AQR: variants seen among roughly 807,000 people sequenced by gnomAD.
The protein encoded by AQR is aquarius intron-binding spliceosomal factor, also known as RNA helicase aquarius.
A neutral mutation model predicts 180.5 loss-of-function variants in AQR; 61 were observed. The ratio of observed to expected loss-of-function variants is 0.34; its 90% CI spans 0.28 to 0.42. The LOEUF (loss-of-function observed/expected upper bound fraction) is 0.42. AQR is among the 10% of genes least tolerant of loss of function. The probability of loss-of-function intolerance (pLI) is 1.00; values close to 1 mark genes in which losing one functional copy is unlikely to be tolerated. For missense variants in AQR, 1,281 were observed against 1,798.3 expected (o/e 0.71, Z 5.20); for synonymous variants, 551 against 588.8 (o/e 0.94, Z 0.93).
chr15:34,940,658 G>A (rs1894009771), intron 8 of AQR, among the ~76,000 whole-genome samples: 1 of 152,144 alleles, frequency 6.6e-6, no homozygotes, highest in African/African-American at 2.4e-5. Context: ...GAAAAACAGT[G>A]GGTCAACTAT....
chr15:34,892,835 G>A (rs566930290), intron 23 of AQR, among the ~76,000 whole-genome samples: 10 of 152,230 alleles, frequency 6.6e-5, no homozygotes, highest in South Asian at 6.2e-4. Context: ...ATTGAATAGC[G>A]AAATAAGAGT....
At chr15:34,874,154 A>G in intron 29 of AQR, 155 bp from the exon 30 acceptor site, 1 of 683,368 alleles carries the variant, frequency 1.5e-6, no homozygotes, top group East Asian at 3.1e-5. Context: ...TTTCAACCTT[A>G]GCTTCCCTAC....
rs567323308 is a variant in AQR at position 34,865,849 on chromosome 15, A to G, written c.3854+1675T>C. ...TCCATTTATATTAAGTGTCCAAAAT[A>G]GGCAAATCTACAGAGATAAAAAGTA... On this transcript the variant is annotated intron_variant, in intron 32 of 34. Transcript: ENST00000156471. Among the ~76,000 whole-genome samples, 222 of 152,318 alleles carry G rather than the reference A, an allele frequency of 1.5e-3. 2 individuals carry two copies. Among genetic ancestry groups the G allele is most frequent in the African/African-American group, 5.0e-3 (208 of 41,580 alleles).
chr15:34,856,673 A>AT lies in AQR; in HGVS notation c.*118dup. The stretch of plus-strand genomic sequence containing the variant: ...AAGACACCGAAATCAGTTAACAAAT[A>AT]TAAGAACTAAACATTAATTAGTGAC... On this transcript the variant is annotated 3_prime_UTR_variant, in exon 35 of 35. Coordinates refer to ENST00000156471, the MANE Select transcript of AQR (RefSeq NM_014691.3). 1 of 821,374 alleles carries AT rather than the reference A, an allele frequency of 1.2e-6. No individual in the cohort carries two copies. Among genetic ancestry groups the AT allele is most frequent in the African/African-American group, 1.7e-5 (1 of 58,278 alleles). 50.9% of individuals were successfully genotyped at this position (821,374 alleles called of 1,614,324 possible).
chr15:34,939,170 G>A (rs1392313786), intron 8 of AQR, among the ~76,000 whole-genome samples: 1 of 152,010 alleles, frequency 6.6e-6, no homozygotes, highest in Non-Finnish European at 1.5e-5. Flanking sequence ...CCAGGTTGAA[G>A]CAACTCTCTT....
At chr15:34,952,631 T>C (rs968661583) in intron 4 of AQR, among the ~76,000 whole-genome samples, 8 of 152,202 alleles carry the variant, frequency 5.3e-5, no homozygotes, top group African/African-American at 1.9e-4. Flanking sequence ...GAAACCAAGT[T>C]TGAGTTCAGA....
At chr15:34,937,836 A>G (rs563952240) in intron 9 of AQR, among the ~76,000 whole-genome samples, 72 of 152,084 alleles carry the variant, frequency 4.7e-4, no homozygotes, top group African/African-American at 1.7e-3. Context: ...GTGAGCCAAG[A>G]TTGTGCCACT....
Position 34,900,633 on chromosome 15 carries a change from T to C in AQR, c.2232A>G (p.Ile744Met), listed in dbSNP as rs750272059. ...KVTVEDPALQ[I>M]PPFRITFPVR... ...AGTTCTGACTTTACCTGAAAGGGGG[T>C]ATTTGTAGAGCAGGGTCTTCTACAG... is the stretch of plus-strand genomic sequence containing the variant. The change falls in exon 20 of 35, where the codon ATA becomes ATG. Residue 744 changes from isoleucine (I) to methionine (M), a missense_variant. By Grantham distance (10) the Ile-to-Met change is conservative. Around this residue, in one of 9 missense-constraint regions of AQR, gnomAD observed 112 missense variants for 128.6 expected, o/e 0.87. Transcript: ENST00000156471. 1 of 1,613,594 alleles carries C rather than the reference T, an allele frequency of 6.2e-7. No homozygotes were observed.
rs957822063 is a variant in AQR at position 34,855,114 on chromosome 15, C to G, written c.*1678G>C. 6.6e-6 allele frequency: 1 copy of G among 152,220 alleles called. No individual in the cohort carries two copies. The highest frequency in any genetic ancestry group is 2.4e-5 in the African/African-American group (1 of 41,442). The allele number at this position is 152,220 out of a possible 1,614,324, so 9.4% of individuals were successfully genotyped here. On this transcript the variant is annotated 3_prime_UTR_variant, in exon 35 of 35. Coordinates refer to ENST00000156471, the MANE Select transcript of AQR (RefSeq NM_014691.3). ...ATCGCGTCCTTGGTATTTCACTCCT[C>G]TCATCGTCTCATCACTTTCATTTCC...
At chr15:34,916,898 A>AC (rs1240035564) in intron 15 of AQR, among the ~76,000 whole-genome samples, 4 of 121,266 alleles carry the variant, frequency 3.3e-5, no homozygotes, top group Non-Finnish European at 7.1e-5. Context: ...AAAAAAAAAA[A>AC]AAAGAAAGAA....
Position 34,920,425 on chromosome 15 carries a change from T to G in AQR, c.1128A>C (p.Thr376=), listed in dbSNP as rs200002505. The part of the protein sequence containing the change: ...VKFFGPLSSN[T]LHQVASYLCL... ...AGAGGTATGATGCCACCTGGTGGAG[T>G]GTGTTTGAACTGCAGAATAGAGAAC... Residue 376 remains threonine, a synonymous_variant, in exon 14 of 35, where the codon ACA becomes ACC. Transcript: ENST00000156471. The G allele has an allele frequency of 6.2e-7, 1 of 1,612,342 alleles. No individual in the cohort carries two copies. The highest frequency in any genetic ancestry group is 1.7e-5 in the Admixed American group (1 of 59,788).
intron 9 of AQR, among the ~76,000 whole-genome samples, chr15:34,937,738 G>A (rs955731436): frequency 2.6e-5 from 4 of 151,872 alleles, no homozygotes; most frequent in Non-Finnish European, 5.9e-5. Flanking sequence ...ACAAAAATTA[G>A]CCGGGCGTGG....
rs1244378129 is a variant in AQR, at chr15:34,853,258, T to TTA, written c.*3533_*3534insTA. The TTA allele has an allele frequency of 6.6e-6, 1 of 151,406 alleles. No homozygotes were observed. The highest frequency in any genetic ancestry group is 1.5e-5 in the Non-Finnish European group (1 of 67,930). 9.4% of individuals were successfully genotyped at this position (151,406 alleles called of 1,614,324 possible). On this transcript the variant is annotated 3_prime_UTR_variant, in exon 35 of 35. Transcript: ENST00000156471. ...AGGGTCACTGTTTTTTTTTTTTTTT[T>TTA]AACTTTATCTTGTTTTGATTGAAGA... is the stretch of plus-strand genomic sequence containing the variant.
intron 23 of AQR, 56 bp downstream of exon 23, chr15:34,893,607 G>GCACGCACGCACACACA: frequency 1.0e-6 from 1 of 997,686 alleles, no homozygotes; most frequent in South Asian, 1.5e-5. Flanking sequence ...GCGCATGCGT[G>GCACGCACGCACACACA]CACACACACA....
intron 3 of AQR, among the ~76,000 whole-genome samples, chr15:34,959,199 G>C (rs1336153387): frequency 6.6e-6 from 1 of 152,118 alleles, no homozygotes; most frequent in Non-Finnish European, 1.5e-5. Flanking sequence ...GTCTCACTCT[G>C]TTGCCCAGGC....
At chr15:34,941,488 T>C (rs2140497173) in intron 7 of AQR, among the ~76,000 whole-genome samples, 1 of 152,352 alleles carries the variant, frequency 6.6e-6, no homozygotes, top group African/African-American at 2.4e-5. Context: ...TAAATGAGTC[T>C]GCATATCTGA....
At chr15:34,859,859 A>G (rs1000920070) in intron 34 of AQR, among the ~76,000 whole-genome samples, 183 bp downstream of exon 34, 5 of 152,224 alleles carry the variant, frequency 3.3e-5, no homozygotes, top group Admixed American at 6.5e-5. Context: ...TGTGGACTTT[A>G]TTGTATGTGG....
At chr15:34,914,146 G>A (rs1259136118) in intron 16 of AQR, among the ~76,000 whole-genome samples, 2 of 152,034 alleles carry the variant, frequency 1.3e-5, no homozygotes, top group African/African-American at 2.4e-5. Context: ...TATACATGGT[G>A]TCCTATTATA....
chr15:34,867,182 T>C (rs1002695688), intron 32 of AQR, among the ~76,000 whole-genome samples: 1 of 152,098 alleles, frequency 6.6e-6, no homozygotes, highest in Non-Finnish European at 1.5e-5. Flanking sequence ...TATTATACAA[T>C]GAAAATTTAT....
Sources: gnomAD v4.1 joint callset for allele counts (sites outside exome capture counted in the v4.1 genomes callset) on GRCh38, gnomAD v4.1.1 for gene constraint, gnomAD v4.1.1 regional missense constraint, MANE v1.5 for transcripts, NCBI Gene and HGNC (gene_info 2026-07-23, HGNC 2026-07-21) for gene names.